The following TTC28 variants were observed in gnomAD, a reference collection of about 807,000 sequenced individuals.
The protein encoded by TTC28 is tetratricopeptide repeat domain 28.
In TTC28, 61 loss-of-function variants were observed where a neutral mutation model predicts 198.0. That is an observed-to-expected ratio of 0.31 (90% CI 0.25 to 0.38). The LOEUF is 0.38. TTC28 is among the 10% of genes least tolerant of loss of function. The probability of loss-of-function intolerance (pLI) is 1.00; values close to 1 mark genes in which losing one functional copy is unlikely to be tolerated. For missense variants in TTC28, 2,678 were observed against 3,164.0 expected, an observed-to-expected ratio of 0.85 and a Z score of 3.69; for synonymous variants, 1,171 against 1,297.8, an observed-to-expected ratio of 0.90 and a Z score of 2.10.
At chr22:28,548,778 A>C (rs1296828587) in intron 2 of TTC28, among the ~76,000 whole-genome samples, 1 of 152,140 alleles carries the variant, frequency 6.6e-6, no homozygotes, top group Non-Finnish European at 1.5e-5. Flanking sequence ...CATTTTTCTC[A>C]TCGGCTCATA....
intron 1 of TTC28, among the ~76,000 whole-genome samples, chr22:28,655,684 T>C (rs1391352784): frequency 1.3e-5 from 2 of 152,064 alleles, no homozygotes; most frequent in East Asian, 1.9e-4. Flanking sequence ...ACCCCGTCTC[T>C]ACTAAAAATA....
chr22:28,456,281 C>A (rs1299043156), intron 2 of TTC28, among the ~76,000 whole-genome samples: 1 of 151,578 alleles, frequency 6.6e-6, no homozygotes, highest in African/African-American at 2.4e-5. Flanking sequence ...ATAGGAAAAT[C>A]CATAAATACA....
At chr22:28,585,217 C>T (rs2050296718) in intron 2 of TTC28, among the ~76,000 whole-genome samples, 1 of 152,110 alleles carries the variant, frequency 6.6e-6, no homozygotes, top group African/African-American at 2.4e-5. Flanking sequence ...TTATTGTGCA[C>T]TTTATTTCTA....
chr22:28,610,235 C>T (rs1259854334), intron 2 of TTC28, among the ~76,000 whole-genome samples: 1 of 152,174 alleles, frequency 6.6e-6, no homozygotes, highest in Non-Finnish European at 1.5e-5. Context: ...CATTCAAGCT[C>T]GGCTACAGGT....
At chr22:28,440,024 C>T (rs150348952) in intron 2 of TTC28, among the ~76,000 whole-genome samples, 21 of 152,244 alleles carry the variant, frequency 1.4e-4, no homozygotes, top group African/African-American at 3.6e-4. Flanking sequence ...TTAGTAGAGA[C>T]GGGGTTTCAC....
intron 2 of TTC28, among the ~76,000 whole-genome samples, chr22:28,428,861 CG>C (rs2047392784): frequency 1.3e-5 from 2 of 152,018 alleles, no homozygotes; most frequent in African/African-American, 4.8e-5. Context: ...AGGATGGTCT[CG>C]ATCTCCTGAC....
At chr22:28,468,698 T>C (rs1166129601) in intron 2 of TTC28, among the ~76,000 whole-genome samples, 3 of 148,684 alleles carry the variant, frequency 2.0e-5, no homozygotes, top group African/African-American at 7.4e-5. Flanking sequence ...TAATTTTTTT[T>C]TTTTTTTTTT....
intron 5 of TTC28, among the ~76,000 whole-genome samples, chr22:28,257,748 A>C (rs1931037862): frequency 2.9e-5 from 1 of 34,266 alleles, no homozygotes; most frequent in Non-Finnish European, 7.4e-5. Flanking sequence ...ACATATATAT[A>C]TATATATATA....
At chr22:28,018,878 G>A (rs1288289719) in intron 13 of TTC28, among the ~76,000 whole-genome samples, 1 of 152,226 alleles carries the variant, frequency 6.6e-6, no homozygotes, top group Non-Finnish European at 1.5e-5. Flanking sequence ...GCGGACCCAA[G>A]GTTTCCTTGC....
chr22:28,346,870 A>G (rs535467016), intron 2 of TTC28, among the ~76,000 whole-genome samples: 1 of 152,314 alleles, frequency 6.6e-6, no homozygotes, highest in Admixed American at 6.5e-5. Flanking sequence ...AGCAACTTAA[A>G]TCAAAGGGGA....
chr22:28,488,254 A>G (rs2048335333), intron 2 of TTC28, among the ~76,000 whole-genome samples: 1 of 151,616 alleles, frequency 6.6e-6, no homozygotes, highest in African/African-American at 2.4e-5. Flanking sequence ...CTTCAGCACC[A>G]CTCCTGCATA....
intron 2 of TTC28, among the ~76,000 whole-genome samples, chr22:28,359,524 T>TCTG (rs1006612168): frequency 4.8e-4 from 73 of 152,346 alleles, no homozygotes; most frequent in African/African-American, 1.6e-3. Context: ...AATAAATGCC[T>TCTG]CTGTATATGC....
At chr22:28,318,073 A>AT (rs35011623) in intron 2 of TTC28, among the ~76,000 whole-genome samples, 23,617 of 139,806 alleles carry the variant, frequency 0.17, 2,436 homozygotes, top group East Asian at 0.3. Flanking sequence ...CAGCTAATTA[A>AT]TTTTTTTTTT....
intron 2 of TTC28, among the ~76,000 whole-genome samples, chr22:28,432,103 G>C (rs189075693): frequency 6.6e-6 from 1 of 151,956 alleles, no homozygotes; most frequent in Non-Finnish European, 1.5e-5. Flanking sequence ...GGTTAAAACA[G>C]TGAAACCCTG....
At chr22:28,624,678 A>G (rs960409756) in intron 2 of TTC28, among the ~76,000 whole-genome samples, 2 of 152,182 alleles carry the variant, frequency 1.3e-5, no homozygotes, top group Non-Finnish European at 2.9e-5. Flanking sequence ...GGAAGAAATA[A>G]TGCCAATCCT....
At chr22:28,632,150 T>C (rs554605263) in intron 1 of TTC28, among the ~76,000 whole-genome samples, 3 of 152,146 alleles carry the variant, frequency 2.0e-5, no homozygotes, top group South Asian at 2.1e-4. Flanking sequence ...TGAGCGACTG[T>C]TCTTCCTCTG....
chr22:28,650,650 T>G (rs2051550029), intron 1 of TTC28, among the ~76,000 whole-genome samples: 1 of 152,140 alleles, frequency 6.6e-6, no homozygotes, highest in African/African-American at 2.4e-5. Flanking sequence ...AATGCAAATA[T>G]AACTATTTTC....
chr22:28,554,013 A>T (rs1256208135), intron 2 of TTC28, among the ~76,000 whole-genome samples: 1 of 152,044 alleles, frequency 6.6e-6, no homozygotes, highest in African/African-American at 2.4e-5. Flanking sequence ...GAGACTTTTC[A>T]TTTTGTTCTG....
intron 5 of TTC28, among the ~76,000 whole-genome samples, chr22:28,165,259 G>A (rs533584867): frequency 6.6e-6 from 1 of 152,168 alleles, no homozygotes; most frequent in African/African-American, 2.4e-5. Flanking sequence ...ACTCTGCAGG[G>A]TATTATCCAG....
Sources: allele counts gnomAD v4.1 joint callset (sites outside exome capture counted in the v4.1 genomes callset), GRCh38; gene constraint gnomAD v4.1.1; transcripts MANE v1.5; gene names NCBI Gene and HGNC (gene_info 2026-07-23, HGNC 2026-07-21).